MIR2052HG: variants seen among roughly 807,000 people sequenced by gnomAD.
MIR2052HG encodes the protein MIR2052 host gene.
chr8:74,622,481 G>T (rs375688045), intron 2 of MIR2052HG, among the ~76,000 whole-genome samples: 2 of 152,198 alleles, frequency 1.3e-5, no homozygotes, highest in Non-Finnish European at 2.9e-5. Flanking sequence ...GCATGCTCCT[G>T]CAGTCCCTGC....
At chr8:74,748,396 A>C (rs1809909172) in intron 4 of MIR2052HG, among the ~76,000 whole-genome samples, 1 of 152,222 alleles carries the variant, frequency 6.6e-6, no homozygotes, top group Admixed American at 6.5e-5. Context: ...TAGTCCTATA[A>C]GCATTTTCAA....
intron 2 of MIR2052HG, among the ~76,000 whole-genome samples, chr8:74,646,040 C>T (rs1808687474): frequency 6.6e-6 from 1 of 152,174 alleles, no homozygotes. Context: ...AAGCTTTGTG[C>T]TAATCACTGG....
intron 2 of MIR2052HG, among the ~76,000 whole-genome samples, chr8:74,675,409 C>A (rs1586910755): frequency 1.3e-5 from 2 of 152,080 alleles, no homozygotes; most frequent in East Asian, 3.9e-4. Context: ...TGTAAGTAAT[C>A]TAGAGCTAAT....
intron 4 of MIR2052HG, among the ~76,000 whole-genome samples, chr8:74,720,643 A>G (rs568903565): frequency 2.8e-4 from 43 of 152,262 alleles, no homozygotes; most frequent in African/African-American, 1.0e-3. Context: ...CAAAATGTAT[A>G]TGTTATGCTA....
intron 1 of MIR2052HG, among the ~76,000 whole-genome samples, chr8:74,600,346 A>G (rs1421266200): frequency 2.7e-5 from 4 of 150,294 alleles, no homozygotes; most frequent in Admixed American, 6.6e-5. Context: ...GCACTTTGAG[A>G]GGCCGAGGTG....
Position 74,688,500 on chromosome 8 carries a change from G to C in MIR2052HG, n.217-13879G>C, listed in dbSNP as rs541458557. On this transcript the variant is annotated intron_variant and non_coding_transcript_variant, in intron 2 of 6. Coordinates refer to ENST00000523442, the Ensembl canonical transcript of MIR2052HG. ...TACATGGATATTAAAGAACTGAAGA[G>C]GGACCAAGAGAATGTGTACTTATTG... Among the ~76,000 whole-genome samples, 3 of 140,690 alleles carry C rather than the reference G, an allele frequency of 2.1e-5. No individual in the cohort carries two copies. In the Admixed American group the frequency reaches 2.2e-4, roughly 10 times the overall value. The allele number at this position is 140,690 out of a possible 152,430, so 92.3% of individuals were successfully genotyped here. A position where few individuals can be genotyped will look rare whatever the true frequency, so the allele number is the denominator to read the frequency against.
At chr8:74,711,071 T>C (rs1809463835) in intron 4 of MIR2052HG, among the ~76,000 whole-genome samples, 2 of 152,192 alleles carry the variant, frequency 1.3e-5, no homozygotes, top group African/African-American at 4.8e-5. Flanking sequence ...TCTTCTTCAA[T>C]ACAAGTCTAT....
intron 2 of MIR2052HG, among the ~76,000 whole-genome samples, chr8:74,653,396 A>C (rs1272121700): frequency 6.6e-6 from 1 of 152,208 alleles, no homozygotes; most frequent in African/African-American, 2.4e-5. Flanking sequence ...TATCAGACAT[A>C]CATAATTTTT....
chr8:74,702,793 G>A (rs983881712), intron 3 of MIR2052HG, among the ~76,000 whole-genome samples: 1 of 152,016 alleles, frequency 6.6e-6, no homozygotes, highest in Non-Finnish European at 1.5e-5. Context: ...TTAAAACATG[G>A]CCCATGCTAA....
At chr8:74,679,198 A>G (rs188970743) in intron 2 of MIR2052HG, among the ~76,000 whole-genome samples, 14 of 152,228 alleles carry the variant, frequency 9.2e-5, no homozygotes, top group Middle Eastern at 3.4e-3. Flanking sequence ...CTGTCCCCTG[A>G]GCAGTGTATA....
chr8:74,747,475 A>G (rs780280071), intron 4 of MIR2052HG, among the ~76,000 whole-genome samples: 1 of 152,216 alleles, frequency 6.6e-6, no homozygotes, highest in Non-Finnish European at 1.5e-5. Flanking sequence ...AGTAACTCTT[A>G]CATATTAGAA....
At chr8:74,631,162 A>C (rs1808506058) in intron 2 of MIR2052HG, among the ~76,000 whole-genome samples, 1 of 152,208 alleles carries the variant, frequency 6.6e-6, no homozygotes, top group Non-Finnish European at 1.5e-5. Context: ...TGCCCACCTC[A>C]TTCAGGCCAC....
At chr8:74,605,784 A>T (rs1808101723) in intron 1 of MIR2052HG, among the ~76,000 whole-genome samples, 6 of 107,676 alleles carry the variant, frequency 5.6e-5, no homozygotes, top group Admixed American at 5.5e-4. Context: ...ACTGGAAATG[A>T]TAACAAAGGC....
intron 1 of MIR2052HG, among the ~76,000 whole-genome samples, chr8:74,605,496 G>GT (rs1808097801): frequency 6.6e-6 from 1 of 152,180 alleles, no homozygotes; most frequent in East Asian, 1.9e-4. Flanking sequence ...CTCTAATTTT[G>GT]TAAGTTATGA....
At chr8:74,736,368 C>A (rs2128755313) in intron 4 of MIR2052HG, among the ~76,000 whole-genome samples, 1 of 152,182 alleles carries the variant, frequency 6.6e-6, no homozygotes, top group Non-Finnish European at 1.5e-5. Flanking sequence ...TTTACCTGGT[C>A]ATTTTGAAAG....
At chr8:74,755,568 A>G (rs1017985843) in intron 5 of MIR2052HG, among the ~76,000 whole-genome samples, 2 of 152,228 alleles carry the variant, frequency 1.3e-5, no homozygotes, top group Non-Finnish European at 2.9e-5. Context: ...TAATGAAGTT[A>G]CAAAATGTTC....
At position 74,655,405 on chromosome 8, in the gene MIR2052HG, G is replaced by A. The variant is rs182777859; in HGVS notation, n.216+42465G>A. On this transcript the variant is annotated intron_variant and non_coding_transcript_variant, in intron 2 of 6. Transcript: ENST00000523442. Reference sequence around the variant, plus strand: ...GCCTAGGAGGTAAAAATGGTTTTGGGGACCTGGCCCAGGGTCCCCATGCTG... The same window carrying A: ...GCCTAGGAGGTAAAAATGGTTTTGGAGACCTGGCCCAGGGTCCCCATGCTG... Among the ~76,000 whole-genome samples, 353 of 152,214 alleles carry A rather than the reference G, an allele frequency of 2.3e-3. 1 individual carries two copies. The highest frequency in any genetic ancestry group is 4.0e-3 in the Non-Finnish European group (274 of 67,998).
chr8:74,730,776 C>G (rs1413607429), intron 4 of MIR2052HG, among the ~76,000 whole-genome samples: 1 of 142,606 alleles, frequency 7.0e-6, no homozygotes, highest in African/African-American at 2.8e-5. Context: ...TATTGATTAA[C>G]TGTTGAAGCA....
intron 4 of MIR2052HG, among the ~76,000 whole-genome samples, chr8:74,744,043 A>C (rs1030488718): frequency 6.6e-6 from 1 of 152,204 alleles, no homozygotes; most frequent in African/African-American, 2.4e-5. Flanking sequence ...CAAACATCTC[A>C]AGTGCATTGT....
Sources: gnomAD v4.1 joint callset for allele counts (sites outside exome capture counted in the v4.1 genomes callset) on GRCh38, gnomAD v4.1.1 for gene constraint, MANE v1.5 for transcripts, NCBI Gene and HGNC (gene_info 2026-07-23, HGNC 2026-07-21) for gene names.